Variants in CXADR observed in about 807,000 individuals in gnomAD.
The protein encoded by CXADR is coxsackievirus and adenovirus receptor.
CXADR carries 20 observed loss-of-function variants against 40.3 expected under a neutral mutation model. The observed-to-expected ratio is 0.50, with a 90% CI of 0.35 to 0.72. The LOEUF is 0.72. Among genes scored for constraint, CXADR ranks in the 30% least tolerant of loss-of-function variants. CXADR has a pLI of 0.01. For missense variants in CXADR, 332 were observed against 449.1 expected (o/e 0.74, Z 2.36); for synonymous variants, 150 against 161.3 (o/e 0.93, Z 0.53).
intron 3 of CXADR, among the ~76,000 whole-genome samples, chr21:17,554,281 G>A (rs1012033118): frequency 1.0e-5 from 1 of 99,630 alleles, no homozygotes; most frequent in African/African-American, 3.1e-5. Flanking sequence ...AGGAACCTGA[G>A]TTGGGTGGTA....
chr21:17,620,730 A>C, the CXADR span, among the ~76,000 whole-genome samples: 5 of 152,210 alleles, frequency 3.3e-5, no homozygotes, highest in South Asian at 1.0e-3. Context: ...TAAAAAAAAA[A>C]CTGCTTGAAA....
At chr21:17,579,112 G>A (rs866221313) in intron 7 of CXADR, among the ~76,000 whole-genome samples, 4 of 152,256 alleles carry the variant, frequency 2.6e-5, no homozygotes, top group Middle Eastern at 3.4e-3. Flanking sequence ...GTTTAAGATA[G>A]GAGAGATGCA....
At chr21:17,630,650 CTTTTTTTT>C in the CXADR span, among the ~76,000 whole-genome samples, 14 of 116,960 alleles carry the variant, frequency 1.2e-4, no homozygotes, top group Middle Eastern at 6.3e-3. Context: ...CTTCCTTCTT[CTTTTTTTT>C]TTTTTTTTTT....
At chr21:17,539,779 G>A (rs2060803861) in intron 1 of CXADR, among the ~76,000 whole-genome samples, 1 of 152,078 alleles carries the variant, frequency 6.6e-6, no homozygotes, top group African/African-American at 2.4e-5. Flanking sequence ...GGATTGAAAA[G>A]TACATTTTTC....
At chr21:17,619,837 T>C in the CXADR span, among the ~76,000 whole-genome samples, 1 of 152,162 alleles carries the variant, frequency 6.6e-6, no homozygotes, top group East Asian at 1.9e-4. Context: ...TTTTATGTTA[T>C]GGAGATGGCT....
At chr21:17,563,663 C>T (rs185110498) in intron 6 of CXADR, among the ~76,000 whole-genome samples, 3 of 152,016 alleles carry the variant, frequency 2.0e-5, no homozygotes, top group Admixed American at 6.6e-5. Context: ...TACTGGTGGC[C>T]GGGCACGGTG....
At chr21:17,621,513 A>C in the CXADR span, among the ~76,000 whole-genome samples, 16 of 152,196 alleles carry the variant, frequency 1.1e-4, no homozygotes, top group African/African-American at 3.6e-4. Flanking sequence ...TACTGCTATA[A>C]ATTAATGTGA....
chr21:17,611,210 T>C, the CXADR span, among the ~76,000 whole-genome samples: 1 of 152,188 alleles, frequency 6.6e-6, no homozygotes, highest in Admixed American at 6.5e-5. Flanking sequence ...GGCAATTTAA[T>C]ATACGGGTTG....
At chr21:17,581,781 G>A (rs1454571185) in intron 7 of CXADR, among the ~76,000 whole-genome samples, 2 of 56 alleles carry the variant, frequency 0.036, no homozygotes, top group Non-Finnish European at 0.1. Context: ...AGAAGATTGA[G>A]GCTTGCAGTG....
chr21:17,617,484 G>T, the CXADR span, among the ~76,000 whole-genome samples: 1 of 152,178 alleles, frequency 6.6e-6, no homozygotes, highest in Admixed American at 6.5e-5. Context: ...TAAGAATATA[G>T]GTATTCCGGC....
intron 7 of CXADR, among the ~76,000 whole-genome samples, chr21:17,583,774 A>C (rs150620603): frequency 3.2e-4 from 49 of 152,360 alleles, no homozygotes; most frequent in African/African-American, 1.1e-3. Context: ...ATTCAGCACT[A>C]TCCTAATGAT....
intron 1 of CXADR, chr21:17,518,501 C>A: frequency 1.2e-6 from 1 of 852,176 alleles, no homozygotes; most frequent in Non-Finnish European, 2.0e-6. Context: ...CAATCTAGTC[C>A]ATGCCAGCTT....
the CXADR span, among the ~76,000 whole-genome samples, chr21:17,615,270 A>C: frequency 6.6e-6 from 1 of 152,182 alleles, no homozygotes; most frequent in African/African-American, 2.4e-5. Context: ...TGGTACCTTG[A>C]TCTTTAACTT....
At chr21:17,541,223 T>G (rs528104405) in intron 1 of CXADR, among the ~76,000 whole-genome samples, 28 of 152,086 alleles carry the variant, frequency 1.8e-4, no homozygotes, top group Non-Finnish European at 3.5e-4. Flanking sequence ...CAGCCACCAT[T>G]ATAGTATTAC....
chr21:17,563,262 G>T (rs1161449291), intron 6 of CXADR, among the ~76,000 whole-genome samples: 2 of 152,112 alleles, frequency 1.3e-5, no homozygotes, highest in African/African-American at 4.8e-5. Flanking sequence ...ACCCTACCGT[G>T]GTTGACAGTC....
chr21:17,585,928 C>A (rs1366515787), intron 7 of CXADR, among the ~76,000 whole-genome samples: 1 of 152,062 alleles, frequency 6.6e-6, no homozygotes, highest in Admixed American at 6.6e-5. Context: ...TTCTCCATTA[C>A]CAGTGACAGT....
chr21:17,580,765 T>G (rs2061354651), intron 7 of CXADR, among the ~76,000 whole-genome samples: 1 of 152,294 alleles, frequency 6.6e-6, no homozygotes. Flanking sequence ...AATGTTTCTT[T>G]TTTGAGACAG....
chr21:17,597,277 ACATTCTT>A (rs2061516212), downstream of CXADR, among the ~76,000 whole-genome samples: 2 of 152,110 alleles, frequency 1.3e-5, no homozygotes, highest in African/African-American at 4.8e-5. Context: ...TTTGAGACTT[ACATTCTT>A]GCTTAACAAC....
intron 7 of CXADR, among the ~76,000 whole-genome samples, chr21:17,590,286 G>A (rs1340994898): frequency 2.0e-5 from 3 of 149,974 alleles, no homozygotes; most frequent in Non-Finnish European, 4.4e-5. Flanking sequence ...CTGATTGTGT[G>A]CTTTACAGAA....
Sources: gnomAD v4.1 joint callset for allele counts (sites outside exome capture counted in the v4.1 genomes callset) on GRCh38, gnomAD v4.1.1 for gene constraint, MANE v1.5 for transcripts, NCBI Gene and HGNC (gene_info 2026-07-23, HGNC 2026-07-21) for gene names.